The following DDHD1 variants were observed in gnomAD, a reference collection of about 807,000 sequenced individuals.
DDHD1 encodes the protein DDHD domain containing 1, also known as phospholipase DDHD1.
In DDHD1, 49 loss-of-function variants were observed where a neutral mutation model predicts 96.4. The observed-to-expected ratio is 0.51, with a 90% CI of 0.40 to 0.64. The LOEUF (loss-of-function observed/expected upper bound fraction) is 0.64. Ranked by LOEUF, DDHD1 falls within the 30% of genes least tolerant of loss-of-function variation. The probability of loss-of-function intolerance (pLI) is 0.00; values close to 1 mark genes in which losing one functional copy is unlikely to be tolerated. For missense variants in DDHD1, 1,106 were observed against 1,161.2 expected (o/e 0.95, Z 0.69); for synonymous variants, 442 against 446.5 (o/e 0.99, Z 0.13).
chr14:53,049,657 CAAAA>C (rs11323291), intron 12 of DDHD1, among the ~76,000 whole-genome samples: 12 of 84,712 alleles, frequency 1.4e-4, no homozygotes, highest in Admixed American at 2.6e-4. Flanking sequence ...TGAGCTAGGT[CAAAA>C]AAAAAAAAAA....
chr14:53,083,222 C>T (rs1400967361), intron 4 of DDHD1, among the ~76,000 whole-genome samples: 1 of 151,490 alleles, frequency 6.6e-6, no homozygotes, highest in African/African-American at 2.4e-5. Flanking sequence ...ATATCATGTT[C>T]AAAAAGGTTT....
At chr14:53,133,716 A>T (rs1213526438) in intron 1 of DDHD1, among the ~76,000 whole-genome samples, 1 of 152,128 alleles carries the variant, frequency 6.6e-6, no homozygotes, top group Non-Finnish European at 1.5e-5. Flanking sequence ...TCCAGACACC[A>T]GCCCTCTAGG....
chr14:53,040,861 G>C lies in DDHD1; in HGVS notation c.*5907C>G, dbSNP rs1881598278. On this transcript the variant is annotated 3_prime_UTR_variant, in exon 13 of 13. Coordinates refer to ENST00000673822, the MANE Select transcript of DDHD1 (RefSeq NM_001160148.2). The stretch of plus-strand genomic sequence containing the variant: ...ACATAAGAAGTCATAGGAGCTGAAA[G>C]AAAGGAAACAAGGGTCTCAGGAGAG... 6.6e-6 allele frequency: 1 copy of C among 152,154 alleles called. No homozygotes were observed. The highest frequency in any genetic ancestry group is 1.5e-5 in the Non-Finnish European group (1 of 68,036). The allele number at this position is 152,154 out of a possible 1,614,324, so 9.4% of individuals were successfully genotyped here. A position where few individuals can be genotyped will look rare whatever the true frequency, so the allele number is the denominator to read the frequency against.
intron 6 of DDHD1, among the ~76,000 whole-genome samples, chr14:53,072,304 A>C (rs977396679): frequency 6.6e-6 from 1 of 152,100 alleles, no homozygotes; most frequent in Non-Finnish European, 1.5e-5. Flanking sequence ...TTTTATGTCT[A>C]AAACTCTTTT....
intron 4 of DDHD1, among the ~76,000 whole-genome samples, chr14:53,075,334 T>C (rs539661477): frequency 1.8e-4 from 28 of 152,224 alleles, no homozygotes; most frequent in African/African-American, 5.8e-4. Context: ...AAAAGCCTTA[T>C]TGTTGATAAG....
intron 1 of DDHD1, among the ~76,000 whole-genome samples, chr14:53,113,134 A>T (rs1345732496): frequency 1.4e-5 from 2 of 141,196 alleles, no homozygotes; most frequent in African/African-American, 5.2e-5. Flanking sequence ...TAACTTTTCT[A>T]TTTTTTTTTT....
Position 53,055,894 on chromosome 14 carries a change from A to G in DDHD1, c.2011T>C (p.Leu671=). ...TDPVAYRLEP[L]ILKHYSNISP... ...ATGTTGCTGTAGTGTTTCAGTATTA[A>G]TGGTTCTAATCTATAAGCCTTGATT... is the stretch of plus-strand genomic sequence containing the variant. The change falls in exon 10 of 13, where the codon TTA becomes CTA. Residue 671 remains leucine, a synonymous_variant. Transcript: ENST00000673822. 6.2e-7 allele frequency: 1 copy of G among 1,613,410 alleles called. No individual in the cohort carries two copies. Among genetic ancestry groups the G allele is most frequent in the Non-Finnish European group, 8.5e-7 (1 of 1,179,510 alleles).
intron 1 of DDHD1, among the ~76,000 whole-genome samples, chr14:53,139,291 CACCA>C (rs1213510275): frequency 2.6e-5 from 4 of 152,138 alleles, no homozygotes; most frequent in Non-Finnish European, 5.9e-5. Context: ...CTCTCGCCCA[CACCA>C]TCATCACCAA....
intron 4 of DDHD1, among the ~76,000 whole-genome samples, chr14:53,074,590 T>C (rs1884792955): frequency 6.6e-6 from 1 of 151,862 alleles, no homozygotes; most frequent in Non-Finnish European, 1.5e-5. Flanking sequence ...AGTTGGACTA[T>C]AAAATATTAT....
At chr14:53,111,194 G>A (rs957400847) in intron 1 of DDHD1, among the ~76,000 whole-genome samples, 4 of 152,094 alleles carry the variant, frequency 2.6e-5, no homozygotes, top group Non-Finnish European at 4.4e-5. Context: ...GGTGGCTCAC[G>A]CCTAGAATCC....
chr14:53,138,080 T>C (rs142262738), intron 1 of DDHD1, among the ~76,000 whole-genome samples: 213 of 152,168 alleles, frequency 1.4e-3, no homozygotes, highest in Non-Finnish European at 2.1e-3. Flanking sequence ...CTAAGAGAAA[T>C]AGAGTTTAAA....
intron 6 of DDHD1, among the ~76,000 whole-genome samples, chr14:53,064,399 T>C (rs185974690): frequency 6.6e-6 from 1 of 152,150 alleles, no homozygotes; most frequent in Non-Finnish European, 1.5e-5. Context: ...ACATACCTAA[T>C]CTTTTTGTTT....
At chr14:53,073,660 A>G in intron 5 of DDHD1, 81 bp downstream of exon 5, 1 of 1,169,462 alleles carries the variant, frequency 8.6e-7, no homozygotes. Context: ...AATTAACAAA[A>G]AGTGTTTTCT....
rs1881570973 is a variant in DDHD1 at position 53,040,448 on chromosome 14, T to C, written c.*6320A>G. ...CCAGAATGCTTAGAACAGCCTAGTC[T>C]GAGGTTGCTCACTGTAGGGCACAAC... On this transcript the variant is annotated 3_prime_UTR_variant, in exon 13 of 13. Transcript: ENST00000673822. The C allele has an allele frequency of 6.6e-6, 1 of 152,216 alleles. No homozygotes were observed. Among genetic ancestry groups the C allele is most frequent in the African/African-American group, 2.4e-5 (1 of 41,444 alleles). The allele number at this position is 152,216 out of a possible 1,614,324, so 9.4% of individuals were successfully genotyped here.
At chr14:53,073,640 C>G in intron 5 of DDHD1, 101 bp downstream of exon 5, 5 of 864,224 alleles carry the variant, frequency 5.8e-6, no homozygotes, top group Non-Finnish European at 9.1e-6. Flanking sequence ...ATTGAAGACA[C>G]TACATTCTCA....
At chr14:53,078,345 T>C (rs918373831) in intron 4 of DDHD1, among the ~76,000 whole-genome samples, 3 of 152,190 alleles carry the variant, frequency 2.0e-5, no homozygotes, top group African/African-American at 7.2e-5. Context: ...TTTAAAGTGG[T>C]AGCGTTCAAG....
At position 53,091,892 on chromosome 14, in the gene DDHD1, TTC is replaced by T; in HGVS notation, c.1180_1181del (p.Glu394ArgfsTer57). The T allele has an allele frequency of 6.2e-7, 1 of 1,613,628 alleles. No homozygotes were observed. Among genetic ancestry groups the T allele is most frequent in the South Asian group, 1.1e-5 (1 of 90,998 alleles). ...SGTRLHRGYVEEATLEDKPSQ... is the reference protein window; with the variant it reads ...SGTRLHRGYVXEATLEDKPSQ... ...ATGGCTTGTCTTCTAATGTGGCTTC[TTC>T]TACATAACCTCTATGAAGTCTGGTA... is the stretch of plus-strand genomic sequence containing the variant. On this transcript the variant is annotated frameshift_variant, in exon 4 of 13. Transcript: ENST00000673822. LOFTEE classifies it high-confidence loss of function.
intron 1 of DDHD1, among the ~76,000 whole-genome samples, chr14:53,109,748 T>C (rs889891990): frequency 1.3e-5 from 2 of 152,122 alleles, no homozygotes; most frequent in African/African-American, 2.4e-5. Context: ...ACTTTACAAA[T>C]GAATAAGCTA....
intron 1 of DDHD1, among the ~76,000 whole-genome samples, chr14:53,133,677 C>G (rs145202025): frequency 3.9e-5 from 6 of 152,114 alleles, no homozygotes; most frequent in African/African-American, 1.4e-4. Context: ...CCTGTATGGA[C>G]GCTCTTTTTC....
Sources: gnomAD v4.1 joint callset for allele counts (sites outside exome capture counted in the v4.1 genomes callset) on GRCh38, gnomAD v4.1.1 for gene constraint, MANE v1.5 for transcripts, NCBI Gene and HGNC (gene_info 2026-07-23, HGNC 2026-07-21) for gene names.